Variants in RAB31 observed in about 807,000 individuals in gnomAD.
RAB31 encodes the protein RAB31, member RAS oncogene family.
A neutral mutation model predicts 25.6 loss-of-function variants in RAB31; 21 were observed. The ratio of observed to expected loss-of-function variants is 0.82; its 90% confidence interval spans 0.58 to 1.18. RAB31 has a LOEUF of 1.18. Among genes scored for constraint, RAB31 ranks in the 50% most tolerant of loss-of-function variants. The pLI is 0.00. For synonymous variants in RAB31, 87 were observed against 84.0 expected (o/e 1.04, Z -0.20); for missense variants, 196 against 250.1 (o/e 0.78, Z 1.46).
intron 1 of RAB31, among the ~76,000 whole-genome samples, chr18:9,742,366 G>T (rs1297344316): frequency 1.3e-5 from 2 of 152,196 alleles, no homozygotes; most frequent in Non-Finnish European, 2.9e-5. Context: ...ATTTGTCTGG[G>T]CGGATGGTCC....
At chr18:9,838,896 C>G (rs2068718286) in intron 5 of RAB31, among the ~76,000 whole-genome samples, 1 of 152,074 alleles carries the variant, frequency 6.6e-6, no homozygotes, top group Non-Finnish European at 1.5e-5. Flanking sequence ...AGTTGACTCT[C>G]AGCACTCACC....
chr18:9,831,495 G>A (rs763335056), intron 5 of RAB31, among the ~76,000 whole-genome samples: 8 of 152,186 alleles, frequency 5.3e-5, no homozygotes, highest in Admixed American at 1.3e-4. Flanking sequence ...CAAGGAGCTC[G>A]GCCTAGCAGT....
intron 1 of RAB31, among the ~76,000 whole-genome samples, chr18:9,716,778 T>C (rs1360415801): frequency 6.6e-6 from 1 of 152,188 alleles, no homozygotes; most frequent in East Asian, 1.9e-4. Context: ...GGAGTCTTGC[T>C]CTGTCACCCA....
At chr18:9,816,221 C>A (rs1017146170) in intron 5 of RAB31, 8 of 186,972 alleles carry the variant, frequency 4.3e-5, no homozygotes, top group African/African-American at 1.9e-4. Context: ...TAATTAATGG[C>A]CTTTCACTTT....
chr18:9,708,343 G>A lies in RAB31; in HGVS notation c.-63G>A. The A allele has an allele frequency of 1.5e-6, 2 of 1,339,938 alleles. No homozygotes were observed. The highest frequency in any genetic ancestry group is 2.0e-6 in the Non-Finnish European group (2 of 1,009,624). The allele number at this position is 1,339,938 out of a possible 1,614,324, so 83.0% of individuals were successfully genotyped here. ...GGGGCAGAGGCGAGAGACGCCGGCG[G>A]GGCGCGGGCGCGGCGGCCCCGGAGG... On this transcript the variant is annotated 5_prime_UTR_variant, in exon 1 of 7. Coordinates refer to ENST00000578921, the MANE Select transcript of RAB31 (RefSeq NM_006868.4). This position sits in a 1 kb window ranked among gnomAD's most constrained non-coding sequence, Gnocchi z 6.4.
intron 5 of RAB31, among the ~76,000 whole-genome samples, chr18:9,828,496 G>C (rs1259751986): frequency 6.6e-6 from 1 of 152,170 alleles, no homozygotes; most frequent in Non-Finnish European, 1.5e-5. Context: ...GGAAACCAGG[G>C]TGAGCCTGTG....
intron 5 of RAB31, among the ~76,000 whole-genome samples, chr18:9,822,341 C>T (rs372681419): frequency 6.6e-6 from 1 of 151,916 alleles, no homozygotes; most frequent in East Asian, 1.9e-4. Context: ...AAATGTTAAC[C>T]CATAAAACTT....
intron 1 of RAB31, chr18:9,734,847 G>A (rs2068142637): frequency 2.3e-5 from 5 of 221,288 alleles, no homozygotes; most frequent in South Asian, 2.2e-4. Flanking sequence ...CCAGCACACA[G>A]GCCCCCCAGC....
intron 1 of RAB31, among the ~76,000 whole-genome samples, chr18:9,750,845 A>G (rs747388535): frequency 6.6e-5 from 10 of 152,142 alleles, no homozygotes; most frequent in Non-Finnish European, 1.0e-4. Context: ...TCCTACTGCA[A>G]TCTTCCTGCC....
At chr18:9,856,740 C>T (rs545448695) in intron 6 of RAB31, among the ~76,000 whole-genome samples, 30 of 152,268 alleles carry the variant, frequency 2.0e-4, no homozygotes, top group African/African-American at 7.0e-4. Context: ...ATTTCAGGTG[C>T]AAAAGCAAAA....
intron 6 of RAB31, among the ~76,000 whole-genome samples, chr18:9,851,902 T>C (rs2068791265): frequency 6.6e-6 from 1 of 151,568 alleles, no homozygotes; most frequent in Admixed American, 6.6e-5. Context: ...ATATATTTCA[T>C]AATATATTTC....
At chr18:9,831,051 T>C (rs11659552) in intron 5 of RAB31, among the ~76,000 whole-genome samples, 38,858 of 152,116 alleles carry the variant, frequency 0.26, 6,023 homozygotes, top group South Asian at 0.44. Flanking sequence ...TTAGCCATCC[T>C]TAAATCAACA....
chr18:9,857,682 TAGATGATAGATAGATAGATA>T (rs1227469986), intron 6 of RAB31, among the ~76,000 whole-genome samples: 7 of 128,072 alleles, frequency 5.5e-5, no homozygotes, highest in African/African-American at 1.7e-4. Context: ...GATAGATAGA[TAGATGATAGATAGATAGATA>T]GATAGATAGA....
At position 9,807,676 on chromosome 18, in the gene RAB31, A is replaced by G. The variant is rs886593918; in HGVS notation, c.202-6344A>G. Among the ~76,000 whole-genome samples, 67 of 152,184 alleles carry G rather than the reference A, an allele frequency of 4.4e-4. 3 individuals are homozygous for G. Among genetic ancestry groups the G allele is most frequent in the Non-Finnish European group, 1.5e-4 (10 of 67,986 alleles). On this transcript the variant is annotated intron_variant, in intron 3 of 6. Coordinates refer to ENST00000578921, the MANE Select transcript of RAB31 (RefSeq NM_006868.4). Reference sequence around the variant, plus strand: ...ATTCCAGTTCATTACATTGTCTTTTAAAAAAACACTAATCCAGCGGGGTGC... The same window carrying G: ...ATTCCAGTTCATTACATTGTCTTTTGAAAAAACACTAATCCAGCGGGGTGC...
At chr18:9,845,867 A>T (rs1231642477) in intron 6 of RAB31, among the ~76,000 whole-genome samples, 176 bp downstream of exon 6, 1 of 152,200 alleles carries the variant, frequency 6.6e-6, no homozygotes, top group Non-Finnish European at 1.5e-5. Flanking sequence ...TATCCTCTCG[A>T]TTCTAGATTT....
chr18:9,722,139 C>T (rs1006206279), intron 1 of RAB31, among the ~76,000 whole-genome samples: 10 of 152,044 alleles, frequency 6.6e-5, no homozygotes, highest in African/African-American at 1.9e-4. Context: ...CTGGATCAGG[C>T]GCGGTCTTGC....
chr18:9,715,445 C>G (rs548302944), intron 1 of RAB31, among the ~76,000 whole-genome samples: 1 of 149,278 alleles, frequency 6.7e-6, no homozygotes, highest in East Asian at 2.0e-4. Flanking sequence ...TTAAAACTTA[C>G]ACAGCAGTTG....
chr18:9,783,361 G>A (rs1172179198), intron 2 of RAB31, among the ~76,000 whole-genome samples: 1 of 152,114 alleles, frequency 6.6e-6, no homozygotes, highest in African/African-American at 2.4e-5. Context: ...GCAGTCTTCT[G>A]GGATTTTGGT....
chr18:9,774,026 T>TTGTGTG (rs149753944), intron 1 of RAB31, among the ~76,000 whole-genome samples: 61 of 150,736 alleles, frequency 4.0e-4, no homozygotes, highest in East Asian at 3.3e-3. Context: ...TCCTGCTGTT[T>TTGTGTG]TGTGTGTGTG....
Sources: gnomAD v4.1 joint callset for allele counts (sites outside exome capture counted in the v4.1 genomes callset) on GRCh38, gnomAD v4.1.1 for gene constraint, Gnocchi (gnomAD v3.1) non-coding constraint, MANE v1.5 for transcripts, NCBI Gene and HGNC (gene_info 2026-07-23, HGNC 2026-07-21) for gene names.